The following RIMBP2 variants were observed in gnomAD, a reference collection of about 807,000 sequenced individuals.
The protein encoded by RIMBP2 is RIMS-binding protein 2.
A neutral mutation model predicts 118.6 loss-of-function variants in RIMBP2; 48 were observed. The observed-to-expected ratio is 0.40, with a 90% confidence interval of 0.32 to 0.51. The LOEUF (loss-of-function observed/expected upper bound fraction) is 0.51, where lower values mean the gene tolerates loss of function less well. Ranked by LOEUF, RIMBP2 falls within the 20% of genes least tolerant of loss-of-function variation. The pLI is 0.41. For synonymous variants in RIMBP2, 762 were observed against 742.9 expected (o/e 1.03, Z -0.42); for missense variants, 1,551 against 1,768.3 (o/e 0.88, Z 2.20).
chr12:130,504,452 A>C (rs764275268), intron 4 of RIMBP2, among the ~76,000 whole-genome samples: 1 of 152,136 alleles, frequency 6.6e-6, no homozygotes, highest in Admixed American at 6.5e-5. Context: ...CAAAAGAAAA[A>C]ATGCCACCAA....
At chr12:130,444,122 G>A (rs573252173) in intron 10 of RIMBP2, among the ~76,000 whole-genome samples, 1 of 152,306 alleles carries the variant, frequency 6.6e-6, no homozygotes, top group South Asian at 2.1e-4. Context: ...TTTTCTGGCA[G>A]CTGCCTTGGG....
chr12:130,464,511 C>T (rs888201522), intron 6 of RIMBP2, among the ~76,000 whole-genome samples: 1 of 152,178 alleles, frequency 6.6e-6, no homozygotes, highest in African/African-American at 2.4e-5. Flanking sequence ...TTTCATTGAT[C>T]ACTGGCTGAA....
At position 130,475,026 on chromosome 12, in the gene RIMBP2, G is replaced by C. The variant is rs2081315361; in HGVS notation, c.102+3886C>G. On this transcript the variant is annotated intron_variant, in intron 5 of 22. Coordinates refer to ENST00000690449, the MANE Select transcript of RIMBP2 (RefSeq NM_001393629.1). This position sits in a 1 kb window ranked among gnomAD's most constrained non-coding sequence, Gnocchi z 4.1. ...GCACGCGTCTCCCGGGAGAGCCTGA[G>C]GTTACCAGCAGACAGCGTGGGTCCT... Among the ~76,000 whole-genome samples the C allele has an allele frequency of 6.6e-6, 1 of 152,188 alleles. No individual in the cohort carries two copies. The highest frequency in any genetic ancestry group is 1.5e-5 in the Non-Finnish European group (1 of 68,028).
intron 6 of RIMBP2, among the ~76,000 whole-genome samples, chr12:130,464,373 T>C (rs1186453854): frequency 1.3e-5 from 2 of 152,242 alleles, no homozygotes; most frequent in African/African-American, 4.8e-5. Context: ...GATCACTGGC[T>C]GAATACCTAC....
chr12:130,409,417 A>C (rs1211630265), intron 19 of RIMBP2, among the ~76,000 whole-genome samples: 1 of 130,628 alleles, frequency 7.7e-6, no homozygotes, highest in African/African-American at 2.9e-5. Flanking sequence ...ATCCCGGCTC[A>C]CTGCAAGCTC....
intron 13 of RIMBP2, among the ~76,000 whole-genome samples, chr12:130,436,558 C>A (rs894412180): frequency 6.6e-6 from 1 of 152,218 alleles, no homozygotes; most frequent in Admixed American, 6.5e-5. Flanking sequence ...CCTTGTCGCA[C>A]ACCAAGGCCA....
chr12:130,637,466 C>T (rs752932602), intron 1 of RIMBP2, among the ~76,000 whole-genome samples: 2 of 152,206 alleles, frequency 1.3e-5, no homozygotes, highest in Non-Finnish European at 2.9e-5. Context: ...TGTAATTAGT[C>T]ATGCAATTAG....
At chr12:130,443,686 G>A (rs774783665) in intron 10 of RIMBP2, among the ~76,000 whole-genome samples, 2 of 152,176 alleles carry the variant, frequency 1.3e-5, no homozygotes, top group African/African-American at 2.4e-5. Context: ...TGGGTCTGCA[G>A]GAGCCAATCC....
rs2076268316 is a variant in RIMBP2, at chr12:130,419,076, A to T, written c.3238+3377T>A. Among the ~76,000 whole-genome samples, 1 of 152,212 alleles carries T rather than the reference A, an allele frequency of 6.6e-6. No homozygotes were observed. The highest frequency in any genetic ancestry group is 2.4e-5 in the African/African-American group (1 of 41,452). On this transcript the variant is annotated intron_variant, in intron 17 of 22. Coordinates refer to ENST00000690449, the MANE Select transcript of RIMBP2 (RefSeq NM_001393629.1). The surrounding 1 kb of genome is among the most constrained non-coding windows in gnomAD (Gnocchi z 4.3). ...CCGTATGTTCTTCCAGAGAGGATGC[A>T]CTGGATGTGTTATGAGCACCAAACC...
chr12:130,690,766 G>A (rs1313187829), intron 1 of RIMBP2, among the ~76,000 whole-genome samples: 1 of 152,126 alleles, frequency 6.6e-6, no homozygotes, highest in East Asian at 1.9e-4. Flanking sequence ...TCTCGGGGTG[G>A]AATATGATTT....
chr12:130,613,420 G>A (rs1186162064), intron 2 of RIMBP2, among the ~76,000 whole-genome samples: 1 of 152,166 alleles, frequency 6.6e-6, no homozygotes, highest in Admixed American at 6.5e-5. Flanking sequence ...AGTGAGCCCA[G>A]CCCCCCACCC....
At chr12:130,564,564 T>C (rs1203194425) in intron 2 of RIMBP2, among the ~76,000 whole-genome samples, 1 of 152,206 alleles carries the variant, frequency 6.6e-6, no homozygotes, top group East Asian at 1.9e-4. Flanking sequence ...TGGAATATTA[T>C]TCAGCCTGAA....
intron 6 of RIMBP2, among the ~76,000 whole-genome samples, chr12:130,461,109 G>C (rs990776870): frequency 2.0e-5 from 3 of 152,176 alleles, no homozygotes; most frequent in Admixed American, 2.0e-4. Context: ...CGTGACACTA[G>C]GGGTCACATT....
chr12:130,658,495 G>C (rs955352744), intron 1 of RIMBP2: 4 of 152,206 alleles, frequency 2.6e-5, no homozygotes, highest in African/African-American at 4.8e-5. Context: ...GAAGACGGCA[G>C]ACAACAGTTT....
chr12:130,437,068 G>C lies in RIMBP2; in HGVS notation c.1880C>G (p.Thr627Ser), dbSNP rs1175399463. ...KPLASSGVPE[T>S]KDEHLGPHAR... ...GTGGGGACCCAGGTGCTCGTCTTTG[G>C]TTTCGGGGACTCCAGAACTTGCTAA... The change falls in exon 13 of 23, where the codon ACC becomes AGC. Residue 627 changes from threonine (T) to serine (S), a missense_variant. Physicochemically the swap from Thr to Ser is moderately conservative, Grantham distance 58. Transcript: ENST00000690449. 1.3e-6 allele frequency: 2 copies of C among 1,574,440 alleles called. No individual in the cohort carries two copies. The highest frequency in any genetic ancestry group is 4.5e-5 in the East Asian group (2 of 44,216).
intron 7 of RIMBP2, 89 bp from the exon 8 acceptor site, chr12:130,451,429 C>T (rs1566062600): frequency 3.7e-6 from 5 of 1,366,798 alleles, no homozygotes; most frequent in African/African-American, 1.4e-5. Context: ...GGGTGCCTTT[C>T]CCCTCTTTGA....
intron 1 of RIMBP2, among the ~76,000 whole-genome samples, chr12:130,681,987 G>A (rs1361595508): frequency 1.3e-5 from 2 of 152,140 alleles, no homozygotes; most frequent in African/African-American, 4.8e-5. Flanking sequence ...GTGAGCCACC[G>A]TGCCCAGCCA....
intron 12 of RIMBP2, 30 bp downstream of exon 12, chr12:130,438,335 A>ACC (rs146625626): frequency 0.032 from 27,718 of 860,654 alleles, 463 homozygotes; most frequent in Non-Finnish European, 0.039. Flanking sequence ...GGCCTAACAA[A>ACC]CCCTCCCCAC....
intron 4 of RIMBP2, among the ~76,000 whole-genome samples, chr12:130,487,472 C>T (rs1299493263): frequency 6.6e-6 from 1 of 152,198 alleles, no homozygotes; most frequent in African/African-American, 2.4e-5. Context: ...GATGCACCTG[C>T]TCCCACTTTG....
Sources: gnomAD v4.1 joint callset for allele counts (sites outside exome capture counted in the v4.1 genomes callset) on GRCh38, gnomAD v4.1.1 for gene constraint, Gnocchi (gnomAD v3.1) non-coding constraint, MANE v1.5 for transcripts, NCBI Gene and HGNC (gene_info 2026-07-23, HGNC 2026-07-21) for gene names.